Variants in EDIL3 observed in about 807,000 individuals in gnomAD.
EDIL3 encodes the protein EGF-like repeat and discoidin I-like domain-containing protein 3.
A neutral mutation model predicts 67.4 loss-of-function variants in EDIL3; 37 were observed. The observed-to-expected ratio is 0.55, with a 90% CI of 0.42 to 0.72. The LOEUF (loss-of-function observed/expected upper bound fraction) is 0.72, where lower values mean the gene tolerates loss of function less well. Among genes scored for constraint, EDIL3 ranks in the 30% least tolerant of loss-of-function variants. The pLI, the probability that EDIL3 is intolerant of heterozygous loss-of-function variation, is 0.00. For missense variants in EDIL3, 527 were observed against 586.3 expected, an observed-to-expected ratio of 0.90 and a Z score of 1.04; for synonymous variants, 195 against 196.3, an observed-to-expected ratio of 0.99 and a Z score of 0.05.
intron 5 of EDIL3, among the ~76,000 whole-genome samples, chr5:84,117,733 T>G (rs1747697288): frequency 6.6e-6 from 1 of 152,074 alleles, no homozygotes; most frequent in Admixed American, 6.6e-5. Context: ...TTTTTTTCAT[T>G]TTGGCTTTAT....
intron 9 of EDIL3, among the ~76,000 whole-genome samples, chr5:83,983,347 A>C (rs1745003956): frequency 6.6e-6 from 1 of 152,146 alleles, no homozygotes; most frequent in South Asian, 2.1e-4. Flanking sequence ...GAACATGCTT[A>C]TTAATTAGAT....
At chr5:84,271,323 A>G (rs1336704035) in intron 1 of EDIL3, among the ~76,000 whole-genome samples, 1 of 152,012 alleles carries the variant, frequency 6.6e-6, no homozygotes, top group East Asian at 1.9e-4. Flanking sequence ...CTGAGGCAGG[A>G]GAATGGTGTG....
chr5:84,317,113 G>A (rs1254911357), intron 1 of EDIL3, among the ~76,000 whole-genome samples: 1 of 152,180 alleles, frequency 6.6e-6, no homozygotes, highest in Non-Finnish European at 1.5e-5. Flanking sequence ...TTAAAGCAGT[G>A]TGTAGAGGGA....
At chr5:84,156,870 C>A (rs987969380) in intron 4 of EDIL3, among the ~76,000 whole-genome samples, 2 of 152,094 alleles carry the variant, frequency 1.3e-5, no homozygotes, top group Non-Finnish European at 2.9e-5. Context: ...AATTTAGCAT[C>A]CACCAGAAAT....
chr5:84,283,530 A>G (rs1432172702), intron 1 of EDIL3, among the ~76,000 whole-genome samples: 1 of 151,990 alleles, frequency 6.6e-6, no homozygotes, highest in Non-Finnish European at 1.5e-5. Context: ...CAGCTTAAAA[A>G]CCTTCAGTGG....
rs897175338 is a variant in EDIL3 at position 84,361,559 on chromosome 5, A to G, written c.67+22749T>C. On this transcript the variant is annotated intron_variant, in intron 1 of 10. Coordinates refer to ENST00000296591, the MANE Select transcript of EDIL3 (RefSeq NM_005711.5). ...AAAAGATTCTATTATTTTAGATTTA[A>G]TAGGTTAGATTGCTATAAATCTGTT... 7.2e-5 allele frequency among the ~76,000 whole-genome samples: 11 copies of G among 152,114 alleles called. No homozygotes were observed. In the South Asian group the frequency reaches 2.3e-3, roughly 32 times the overall value.
chr5:84,333,149 ATACTGTTTC>A (rs1251743688), intron 1 of EDIL3, among the ~76,000 whole-genome samples: 2 of 152,194 alleles, frequency 1.3e-5, no homozygotes, highest in African/African-American at 4.8e-5. Flanking sequence ...GGACTACTAA[ATACTGTTTC>A]TATAGAGACA....
At chr5:84,079,491 T>C (rs1016959448) in intron 6 of EDIL3, among the ~76,000 whole-genome samples, 2 of 152,222 alleles carry the variant, frequency 1.3e-5, no homozygotes, top group Middle Eastern at 3.4e-3. Flanking sequence ...TGGTTGTTGG[T>C]GGGGAGAATC....
intron 6 of EDIL3, among the ~76,000 whole-genome samples, chr5:84,070,424 G>C (rs997959557): frequency 6.6e-6 from 1 of 152,196 alleles, no homozygotes; most frequent in Non-Finnish European, 1.5e-5. Context: ...CTGCCCATCT[G>C]TCTCCTCCCC....
chr5:84,155,710 C>A (rs1046633282), intron 4 of EDIL3, among the ~76,000 whole-genome samples: 9 of 152,076 alleles, frequency 5.9e-5, no homozygotes, highest in Non-Finnish European at 1.2e-4. Context: ...CTTTTATAAC[C>A]ATCAACTCTT....
intron 1 of EDIL3, among the ~76,000 whole-genome samples, chr5:84,315,858 G>C (rs1486976019): frequency 6.6e-6 from 1 of 152,164 alleles, no homozygotes; most frequent in Admixed American, 6.5e-5. Context: ...GGCAGCCAGA[G>C]AGAAAGGTCA....
chr5:83,983,558 A>G (rs1327486102), intron 9 of EDIL3, among the ~76,000 whole-genome samples: 1 of 152,114 alleles, frequency 6.6e-6, no homozygotes, highest in Non-Finnish European at 1.5e-5. Context: ...GTTATACTCC[A>G]TGGCACTGTG....
At chr5:84,331,894 C>T (rs572951687) in intron 1 of EDIL3, among the ~76,000 whole-genome samples, 1 of 152,186 alleles carries the variant, frequency 6.6e-6, no homozygotes, top group East Asian at 1.9e-4. Context: ...ATTATATGGT[C>T]CCAAGGAACT....
chr5:84,257,978 G>A (rs936093661), intron 1 of EDIL3, among the ~76,000 whole-genome samples: 1 of 152,160 alleles, frequency 6.6e-6, no homozygotes, highest in African/African-American at 2.4e-5. Context: ...TTATTAAACT[G>A]TGGTCTACCA....
intron 9 of EDIL3, among the ~76,000 whole-genome samples, chr5:84,047,329 T>C (rs905362794): frequency 6.6e-6 from 1 of 152,116 alleles, no homozygotes; most frequent in Non-Finnish European, 1.5e-5. Flanking sequence ...CCTTGTCTTA[T>C]GGAAGTTTTT....
intron 1 of EDIL3, among the ~76,000 whole-genome samples, chr5:84,261,823 C>T (rs1027068206): frequency 3.9e-5 from 6 of 152,274 alleles, no homozygotes; most frequent in African/African-American, 1.4e-4. Flanking sequence ...TAAAGCAGGA[C>T]ATCTCTTAGA....
rs1746607160 is a variant in EDIL3, at chr5:84,064,826, C to T, written c.826G>A (p.Asp276Asn). 3 of 1,610,482 alleles carry T rather than the reference C, an allele frequency of 1.9e-6. No individual in the cohort carries two copies. The highest frequency in any genetic ancestry group is 1.7e-5 in the Admixed American group (1 of 59,336). The change falls in exon 8 of 11, where the codon GAT becomes AAT. Residue 276 changes from aspartate to asparagine, a missense_variant. Transcript: ENST00000296591. ...NEDMVFRGNI[D>N]NNTPYANSFT... ...GAGTTAGCATATGGAGTGTTGTTAT[C>T]AATGTTTCCACGAAACACCTGTGTA...
chr5:84,081,675 G>A (rs1746971652), intron 6 of EDIL3, among the ~76,000 whole-genome samples: 1 of 152,172 alleles, frequency 6.6e-6, no homozygotes, highest in East Asian at 1.9e-4. Flanking sequence ...ATGCCAATAA[G>A]CATTGGCTCT....
intron 4 of EDIL3, among the ~76,000 whole-genome samples, chr5:84,158,449 T>C (rs189429206): frequency 8.5e-5 from 13 of 152,154 alleles, no homozygotes; most frequent in African/African-American, 3.1e-4. Flanking sequence ...CTCAGAGACA[T>C]GCCCTGAATT....
Sources: gnomAD v4.1 joint callset for allele counts (sites outside exome capture counted in the v4.1 genomes callset) on GRCh38, gnomAD v4.1.1 for gene constraint, MANE v1.5 for transcripts, NCBI Gene and HGNC (gene_info 2026-07-23, HGNC 2026-07-21) for gene names.